Variants in TICRR observed in about 807,000 individuals in gnomAD.
TICRR encodes the protein TOPBP1 interacting checkpoint and replication regulator, also known as treslin.
Under a neutral mutation model 178.1 loss-of-function variants are expected in TICRR, and 132 were observed. The observed-to-expected ratio is 0.74, with a 90% CI of 0.64 to 0.86. TICRR has a LOEUF of 0.86. Among genes scored for constraint, TICRR ranks in the 40% least tolerant of loss-of-function variants. The pLI, the probability that TICRR is intolerant of heterozygous loss-of-function variation, is 0.00. For synonymous variants in TICRR, 991 were observed against 900.7 expected (o/e 1.10, Z -1.79); for missense variants, 2,587 against 2,334.3 (o/e 1.11, Z -2.23).
At chr15:89,577,807 C>G (rs1962652266) in intron 1 of TICRR, among the ~76,000 whole-genome samples, 1 of 151,586 alleles carries the variant, frequency 6.6e-6, no homozygotes, top group Non-Finnish European at 1.5e-5. Flanking sequence ...GACGGAGTTT[C>G]ACCATGCTAC....
At chr15:89,588,197 G>A (rs1223611431) in intron 4 of TICRR, among the ~76,000 whole-genome samples, 1 of 152,166 alleles carries the variant, frequency 6.6e-6, no homozygotes, top group Non-Finnish European at 1.5e-5. Context: ...AGGAGATGCT[G>A]GAGGCTGAGG....
chr15:89,625,133 C>A lies in TICRR; in HGVS notation c.4823C>A (p.Pro1608His). ...AGCTTCCTCCCTGCTCTCAGCATGCCCAGGGCCAGCAGGTCCTTAAGCAAA... is the reference window on the plus strand; with the variant it reads ...AGCTTCCTCCCTGCTCTCAGCATGCACAGGGCCAGCAGGTCCTTAAGCAAA... Reference protein sequence around the residue: ...EESFLPALSMPRASRSLSKPE... With the variant: ...EESFLPALSMHRASRSLSKPE... The change falls in exon 20 of 22, where the codon CCC (proline) becomes CAC (histidine). Residue 1608 changes from proline to histidine, a missense_variant. Transcript: ENST00000268138. 1 of 1,613,910 alleles carries A rather than the reference C, an allele frequency of 6.2e-7. No homozygotes were observed. The highest frequency in any genetic ancestry group is 8.5e-7 in the Non-Finnish European group (1 of 1,179,996).
In TICRR at chr15:89,576,074, C is replaced by T; in HGVS notation, c.488C>T (p.Ser163Leu). The T allele has an allele frequency of 1.2e-6, 2 of 1,612,122 alleles. No individual in the cohort carries two copies. The highest frequency in any genetic ancestry group is 1.7e-6 in the Non-Finnish European group (2 of 1,179,890). The part of the protein sequence containing the change: ...AVFLLAPCPH[S>L]QRELLQFVSG... The stretch of plus-strand genomic sequence containing the variant: ...TTCCTCCTGGCCCCCTGTCCGCACT[C>T]GCAGAGGGAGCTGCTGCAGTTCGTG... The change falls in exon 1 of 22, where the codon TCG (serine) becomes TTG (leucine). Residue 163 changes from serine (S) to leucine (L), a missense_variant. By Grantham distance (145) the Ser-to-Leu change is moderately radical. Transcript: ENST00000268138.
At position 89,590,565 on chromosome 15, in the gene TICRR, C is replaced by T. The variant is rs1375904725; in HGVS notation, c.1412-1482C>T. ...TCTTCCAGGTTATAAATCAGTGTGC[C>T]GGCTTATTGTCCAGTCTCCCCACCA... On this transcript the variant is annotated intron_variant, in intron 4 of 21. Coordinates refer to ENST00000268138, the MANE Select transcript of TICRR (RefSeq NM_152259.4). Among the ~76,000 whole-genome samples, 4 of 152,166 alleles carry T rather than the reference C, an allele frequency of 2.6e-5. No individual in the cohort carries two copies. In the South Asian group the frequency reaches 8.3e-4, roughly 32 times the overall value.
At chr15:89,598,858 T>G (rs577127246) in intron 7 of TICRR, among the ~76,000 whole-genome samples, 6 of 151,868 alleles carry the variant, frequency 4.0e-5, no homozygotes, top group Admixed American at 3.3e-4. Context: ...ATACAGAAAA[T>G]AAGCTAGGTG....
chr15:89,598,107 C>T (rs1284915800), intron 7 of TICRR, among the ~76,000 whole-genome samples: 1 of 149,838 alleles, frequency 6.7e-6, no homozygotes, highest in Admixed American at 6.7e-5. Flanking sequence ...GCTATAATCA[C>T]TTGTTAGTTC....
rs1455471028 is a variant in TICRR, at chr15:89,624,011, C to T, written c.3701C>T (p.Ala1234Val). The T allele has an allele frequency of 6.2e-7, 1 of 1,614,012 alleles. No homozygotes were observed. Among genetic ancestry groups the T allele is most frequent in the Non-Finnish European group, 8.5e-7 (1 of 1,180,004 alleles). The change falls in exon 20 of 22, where the codon GCC (alanine) becomes GTC (valine). Residue 1234 changes from alanine to valine, a missense_variant. Transcript: ENST00000268138. ...SCPAPPTSSTAQPRRECLTPI... is the reference protein window; with the variant it reads ...SCPAPPTSSTVQPRRECLTPI... ...CCAGCCCCTCCAACTTCATCGACTG[C>T]CCAGCCCAGGAGAGAGTGTCTCACT...
Position 89,625,800 on chromosome 15 carries a change from T to C in TICRR, c.5476+14T>C. 6.3e-7 allele frequency: 1 copy of C among 1,586,126 alleles called. No individual in the cohort carries two copies. Among genetic ancestry groups the C allele is most frequent in the South Asian group, 1.1e-5 (1 of 87,724 alleles). On this transcript the variant is annotated intron_variant, in intron 20 of 21. Transcript: ENST00000268138. The stretch of plus-strand genomic sequence containing the variant: ...TGTTTGTTTCCGGTGAGTTCGTTTT[T>C]GAAACCCAGTTTCCTCATGGTTTCT...
rs775210281 is a variant in TICRR, at chr15:89,626,967, G to A, written c.5614G>A (p.Asp1872Asn). Residue 1872 changes from aspartate to asparagine, a missense_variant, in exon 22 of 22, where the codon GAT becomes AAT. Coordinates refer to ENST00000268138, the MANE Select transcript of TICRR (RefSeq NM_152259.4). The part of the protein sequence containing the change: ...QSKDPRDEDV[D>N]VLPSTVEDSP... ...CTACCTTCTTCTAGATGAGGATGTG[G>A]ATGTTCTTCCCTCCACTGTAGAAGA... The A allele has an allele frequency of 1.2e-6, 2 of 1,613,914 alleles. No individual in the cohort carries two copies. The highest frequency in any genetic ancestry group is 8.5e-7 in the Non-Finnish European group (1 of 1,179,966).
Position 89,587,704 on chromosome 15 carries a change from C to G in TICRR, c.1411+1762C>G, listed in dbSNP as rs554196455. ...GTGGATGCTCGGGATACCATCACAA[C>G]GTGATGGTTGTGATACTAGTTTTGG... On this transcript the variant is annotated intron_variant, in intron 4 of 21. Coordinates refer to ENST00000268138, the MANE Select transcript of TICRR (RefSeq NM_152259.4). 4.3e-4 allele frequency among the ~76,000 whole-genome samples: 65 copies of G among 152,104 alleles called. No individual in the cohort carries two copies. The South Asian group carries it at 8.7e-3, about 20-fold the overall frequency.
At chr15:89,595,089 G>C (rs897949928) in intron 6 of TICRR, among the ~76,000 whole-genome samples, 3 of 152,110 alleles carry the variant, frequency 2.0e-5, no homozygotes, top group African/African-American at 4.8e-5. Context: ...ATTTTTCGTG[G>C]CCATTGGGTA....
chr15:89,617,691 T>A (rs1407818943), intron 16 of TICRR, among the ~76,000 whole-genome samples: 3 of 37,994 alleles, frequency 7.9e-5, no homozygotes, highest in Non-Finnish European at 2.4e-4. Flanking sequence ...CCAGCTATCT[T>A]TTTTTTTTTT....
chr15:89,578,813 A>G (rs1596037344), intron 1 of TICRR, among the ~76,000 whole-genome samples: 1 of 151,944 alleles, frequency 6.6e-6, no homozygotes, highest in South Asian at 2.1e-4. Flanking sequence ...CCCATCAGAT[A>G]CTCAAGTTTT....
At chr15:89,623,412 A>G (rs1449837910) in intron 19 of TICRR, among the ~76,000 whole-genome samples, 3 of 152,252 alleles carry the variant, frequency 2.0e-5, no homozygotes, top group African/African-American at 7.2e-5. Context: ...GACAAACTAA[A>G]CTTGGATAGT....
chr15:89,599,446 C>T lies in TICRR; in HGVS notation c.2023C>T (p.Leu675=), dbSNP rs986317069. ...RNMISTVKMF[L]KSKGTKELEV... is the part of the protein sequence containing the mutation. ...CATGATCTCAACCGTTAAAATGTTCCTAAAATCAAAAGGCACCAAGGAATT... is the reference window on the plus strand; with the variant it reads ...CATGATCTCAACCGTTAAAATGTTCTTAAAATCAAAAGGCACCAAGGAATT... Residue 675 remains leucine, a synonymous_variant, in exon 8 of 22, where the codon CTA becomes TTA. Coordinates refer to ENST00000268138, the MANE Select transcript of TICRR (RefSeq NM_152259.4). 7.4e-6 allele frequency: 12 copies of T among 1,612,762 alleles called. No homozygotes were observed. Among genetic ancestry groups the T allele is most frequent in the Non-Finnish European group, 9.3e-6 (11 of 1,179,554 alleles).
intron 16 of TICRR, 49 bp from the exon 17 acceptor site, chr15:89,618,103 G>T: frequency 6.4e-7 from 1 of 1,571,962 alleles, no homozygotes; most frequent in Non-Finnish European, 8.8e-7. Flanking sequence ...CTTAATAAGT[G>T]TTAATTACAA....
intron 1 of TICRR, among the ~76,000 whole-genome samples, chr15:89,580,919 C>G (rs1962713872): frequency 6.6e-6 from 1 of 152,152 alleles, no homozygotes; most frequent in South Asian, 2.1e-4. Context: ...GTACTCCCAG[C>G]TACTTACTCA....
intron 14 of TICRR, among the ~76,000 whole-genome samples, chr15:89,608,400 A>G (rs1963205150): frequency 1.3e-5 from 2 of 152,212 alleles, no homozygotes; most frequent in African/African-American, 4.8e-5. Flanking sequence ...CCAGGACTAG[A>G]AGTTTTCACT....
At chr15:89,609,931 T>A (rs1963232793) in intron 15 of TICRR, among the ~76,000 whole-genome samples, 1 of 152,208 alleles carries the variant, frequency 6.6e-6, no homozygotes. Context: ...TAAATTTTGA[T>A]ATGATTTGTT....
Sources: gnomAD v4.1 joint callset for allele counts (sites outside exome capture counted in the v4.1 genomes callset) on GRCh38, gnomAD v4.1.1 for gene constraint, MANE v1.5 for transcripts, NCBI Gene and HGNC (gene_info 2026-07-23, HGNC 2026-07-21) for gene names.